The following HS3ST4 variants were observed in gnomAD, a reference collection of about 807,000 sequenced individuals.
HS3ST4 encodes heparan sulfate glucosamine 3-O-sulfotransferase 4.
A neutral mutation model predicts 29.2 loss-of-function variants in HS3ST4; 17 were observed. The observed-to-expected ratio is 0.58, with a 90% CI of 0.40 to 0.87. HS3ST4 has a LOEUF of 0.87. Among genes scored for constraint, HS3ST4 ranks in the 40% least tolerant of loss-of-function variants. The pLI is 0.00. For missense variants in HS3ST4, 627 were observed against 634.5 expected, an observed-to-expected ratio of 0.99 and a Z score of 0.13; for synonymous variants, 314 against 285.7, an observed-to-expected ratio of 1.10 and a Z score of -1.00.
intron 1 of HS3ST4, among the ~76,000 whole-genome samples, chr16:26,014,891 G>A (rs1047046656): frequency 1.3e-5 from 2 of 152,158 alleles, no homozygotes; most frequent in Non-Finnish European, 2.9e-5. Context: ...GAGGTCCAGA[G>A]CTCTTTCCAC....
chr16:25,970,665 T>C (rs1376274393), intron 1 of HS3ST4, among the ~76,000 whole-genome samples: 1 of 152,126 alleles, frequency 6.6e-6, no homozygotes, highest in Non-Finnish European at 1.5e-5. Context: ...CATGCCACCA[T>C]GCCTGGCTAA....
chr16:25,921,804 G>C (rs1311850227), intron 1 of HS3ST4, among the ~76,000 whole-genome samples: 2 of 149,632 alleles, frequency 1.3e-5, no homozygotes, highest in Non-Finnish European at 3.0e-5. Context: ...ACCCAGGCTA[G>C]AATACAGTGT....
chr16:25,890,920 A>C (rs1206199517), intron 1 of HS3ST4, among the ~76,000 whole-genome samples: 1 of 151,816 alleles, frequency 6.6e-6, no homozygotes, highest in East Asian at 1.9e-4. Context: ...CTGAGCCATG[A>C]TTGGGTCATT....
intron 1 of HS3ST4, among the ~76,000 whole-genome samples, chr16:26,071,317 G>A (rs1041138587): frequency 7.9e-5 from 12 of 152,162 alleles, no homozygotes; most frequent in Admixed American, 4.6e-4. Flanking sequence ...TAGAAATTAG[G>A]AGTCCGTGGG....
intron 1 of HS3ST4, among the ~76,000 whole-genome samples, chr16:25,855,992 C>A (rs982377637): frequency 1.3e-5 from 2 of 151,870 alleles, no homozygotes; most frequent in African/African-American, 4.8e-5. Context: ...TGGAGAGTAG[C>A]CCTTTGTTAT....
chr16:25,980,617 G>A lies in HS3ST4; in HGVS notation c.735-154995G>A, dbSNP rs182437805. The stretch of plus-strand genomic sequence containing the variant: ...AGGAAGGTTATGACAAAGGCTTCTT[G>A]TTCTCTGCCATCCCATGGTATCTCT... On this transcript the variant is annotated intron_variant, in intron 1 of 1. Transcript: ENST00000331351. 4.7e-3 allele frequency among the ~76,000 whole-genome samples: 723 copies of A among 152,316 alleles called. 9 individuals carry two copies. The highest frequency in any genetic ancestry group is 0.017 in the African/African-American group (688 of 41,572).
intron 1 of HS3ST4, among the ~76,000 whole-genome samples, chr16:25,979,240 C>T (rs1196692833): frequency 6.6e-6 from 1 of 152,142 alleles, no homozygotes; most frequent in Non-Finnish European, 1.5e-5. Context: ...TCTAGCTTTG[C>T]ACTGGATGTC....
intron 1 of HS3ST4, among the ~76,000 whole-genome samples, chr16:25,869,628 G>A (rs886630344): frequency 6.6e-6 from 1 of 152,182 alleles, no homozygotes; most frequent in African/African-American, 2.4e-5. Context: ...TTCAGCCACA[G>A]AGGGAGAGGC....
At chr16:25,929,880 G>T (rs762161035) in intron 1 of HS3ST4, among the ~76,000 whole-genome samples, 4 of 152,176 alleles carry the variant, frequency 2.6e-5, no homozygotes, top group Non-Finnish European at 5.9e-5. Context: ...GGCTTTTGTT[G>T]TATGGATTAT....
intron 1 of HS3ST4, among the ~76,000 whole-genome samples, chr16:25,698,726 AAT>A (rs1966315225): frequency 6.6e-6 from 1 of 152,180 alleles, no homozygotes; most frequent in Non-Finnish European, 1.5e-5. Flanking sequence ...CAGCTGTCAT[AAT>A]ATTGTCCAAA....
At chr16:25,943,198 C>A (rs74013105) in intron 1 of HS3ST4, among the ~76,000 whole-genome samples, 1 of 152,182 alleles carries the variant, frequency 6.6e-6, no homozygotes, top group East Asian at 1.9e-4. Flanking sequence ...GGCATGGAAA[C>A]TTTTTGTACC....
chr16:25,703,043 C>T (rs1286410877), intron 1 of HS3ST4, among the ~76,000 whole-genome samples: 1 of 152,148 alleles, frequency 6.6e-6, no homozygotes, highest in Non-Finnish European at 1.5e-5. Context: ...CCTGTAATCC[C>T]TGCTACTCAG....
At chr16:25,809,419 G>T in intron 1 of HS3ST4, among the ~76,000 whole-genome samples, 1 of 152,232 alleles carries the variant, frequency 6.6e-6, no homozygotes, top group East Asian at 1.9e-4. Context: ...TGTTGGACTT[G>T]CTAACATTTT....
At chr16:25,700,732 C>G (rs1966329214) in intron 1 of HS3ST4, among the ~76,000 whole-genome samples, 1 of 152,158 alleles carries the variant, frequency 6.6e-6, no homozygotes, top group East Asian at 1.9e-4. Context: ...TAACAAGCTC[C>G]TCTGTAACTG....
At chr16:25,961,674 C>T (rs1968794161) in intron 1 of HS3ST4, among the ~76,000 whole-genome samples, 1 of 152,080 alleles carries the variant, frequency 6.6e-6, no homozygotes, top group Non-Finnish European at 1.5e-5. Context: ...ACATAGGAGT[C>T]CCAAGCATTA....
At chr16:25,744,348 C>T (rs1966672678) in intron 1 of HS3ST4, among the ~76,000 whole-genome samples, 1 of 152,274 alleles carries the variant, frequency 6.6e-6, no homozygotes, top group African/African-American at 2.4e-5. Context: ...GATTCTGTCA[C>T]CTAGTACACT....
At position 25,765,888 on chromosome 16, in the gene HS3ST4, C is replaced by T. The variant is rs188861165; in HGVS notation, c.734+72737C>T. Among the ~76,000 whole-genome samples, 690 of 152,184 alleles carry T rather than the reference C, an allele frequency of 4.5e-3. 6 individuals are homozygous for T. The highest frequency in any genetic ancestry group is 0.026 in the South Asian group (126 of 4,812). On this transcript the variant is annotated intron_variant, in intron 1 of 1. Transcript: ENST00000331351. ...GGAGGGGGTTTGGATGTGGTTGGAC[C>T]GTGGCTGACTTGCCAGCGTCTCTAG...
At chr16:25,723,570 G>T (rs1236095501) in intron 1 of HS3ST4, among the ~76,000 whole-genome samples, 1 of 152,172 alleles carries the variant, frequency 6.6e-6, no homozygotes, top group Non-Finnish European at 1.5e-5. Context: ...GATCATTGAA[G>T]CCGTCTTAGT....
chr16:26,052,847 G>T (rs1898363188), intron 1 of HS3ST4, among the ~76,000 whole-genome samples: 1 of 152,168 alleles, frequency 6.6e-6, no homozygotes, highest in Non-Finnish European at 1.5e-5. Flanking sequence ...GTGCTGCTTT[G>T]CTCTCATGTG....
Sources: gnomAD v4.1 joint callset for allele counts (sites outside exome capture counted in the v4.1 genomes callset) on GRCh38, gnomAD v4.1.1 for gene constraint, MANE v1.5 for transcripts, NCBI Gene and HGNC (gene_info 2026-07-23, HGNC 2026-07-21) for gene names.